Variants in KCNQ3 observed in about 807,000 individuals in gnomAD.
KCNQ3 encodes potassium voltage-gated channel subfamily Q member 3.
In KCNQ3, 30 loss-of-function variants were observed where a neutral mutation model predicts 92.5. That is an observed-to-expected ratio of 0.32 (90% CI 0.24 to 0.44). The LOEUF is 0.44. Ranked by LOEUF, KCNQ3 falls within the 20% of genes least tolerant of loss-of-function variation. KCNQ3 has a pLI of 1.00. For missense variants in KCNQ3, 913 were observed against 1,140.3 expected, an observed-to-expected ratio of 0.80 and a Z score of 2.87; for synonymous variants, 450 against 468.8, an observed-to-expected ratio of 0.96 and a Z score of 0.52.
chr8:132,143,014 G>A (rs2436140), intron 9 of KCNQ3, among the ~76,000 whole-genome samples: 79,260 of 152,022 alleles, frequency 0.52, 20,926 homozygotes, highest in African/African-American at 0.58. Context: ...TCCAGCATAC[G>A]GAAGGCATTA....
intron 1 of KCNQ3, among the ~76,000 whole-genome samples, chr8:132,424,539 C>T (rs192273842): frequency 8.5e-5 from 13 of 152,346 alleles, no homozygotes; most frequent in Middle Eastern, 3.4e-3. Context: ...TCAGGCTGGT[C>T]ATCTTCCTGC....
chr8:132,143,010 A>G (rs898098938), intron 9 of KCNQ3, among the ~76,000 whole-genome samples: 1 of 152,214 alleles, frequency 6.6e-6, no homozygotes, highest in Non-Finnish European at 1.5e-5. Flanking sequence ...ACAGTCCAGC[A>G]TACGGAAGGC....
chr8:132,284,723 T>G (rs1014397580), intron 1 of KCNQ3, among the ~76,000 whole-genome samples: 1 of 152,234 alleles, frequency 6.6e-6, no homozygotes, highest in Admixed American at 6.5e-5. Flanking sequence ...TAGGGTGGTT[T>G]AGATTTTTCC....
In KCNQ3 at chr8:132,247,659, G is replaced by T. The variant is rs753670659; in HGVS notation, c.387-61478C>A. Among the ~76,000 whole-genome samples, 14 of 152,078 alleles carry T rather than the reference G, an allele frequency of 9.2e-5. 1 individual carries two copies. In the South Asian group the frequency reaches 2.5e-3, roughly 27 times the overall value. ...AAAATATAAAAAAAATTAGCCGGGC[G>T]TGGCGGTGGGAGCCTGTAATCCCAG... On this transcript the variant is annotated intron_variant, in intron 1 of 14. Coordinates refer to ENST00000388996, the MANE Select transcript of KCNQ3 (RefSeq NM_004519.4).
chr8:132,303,798 G>A (rs1817328865), intron 1 of KCNQ3, among the ~76,000 whole-genome samples: 1 of 147,670 alleles, frequency 6.8e-6, no homozygotes. Flanking sequence ...AATATTACAT[G>A]TGTGTATAGA....
chr8:132,463,135 T>C (rs532124324), intron 1 of KCNQ3, among the ~76,000 whole-genome samples: 17 of 152,336 alleles, frequency 1.1e-4, no homozygotes, highest in African/African-American at 3.8e-4. Flanking sequence ...GAACCCAGAC[T>C]AATTTAGTGG....
chr8:132,157,643 T>TA (rs144110396), intron 9 of KCNQ3, among the ~76,000 whole-genome samples: 4 of 151,818 alleles, frequency 2.6e-5, no homozygotes, highest in Non-Finnish European at 1.5e-5. Context: ...TAACCTGTGT[T>TA]TTATTTTATT....
At chr8:132,209,265 C>T (rs1026304000) in intron 1 of KCNQ3, among the ~76,000 whole-genome samples, 1 of 152,116 alleles carries the variant, frequency 6.6e-6, no homozygotes, top group African/African-American at 2.4e-5. Flanking sequence ...CTGAAAGGAG[C>T]CCTCCTCATT....
At chr8:132,217,724 A>C (rs947469141) in intron 1 of KCNQ3, among the ~76,000 whole-genome samples, 5 of 151,400 alleles carry the variant, frequency 3.3e-5, no homozygotes, top group African/African-American at 4.9e-5. Flanking sequence ...AAAAAAAAAA[A>C]AAAAAACAAA....
At chr8:132,169,979 TCTC>T (rs1586794975) in intron 8 of KCNQ3, among the ~76,000 whole-genome samples, 1 of 151,994 alleles carries the variant, frequency 6.6e-6, no homozygotes, top group East Asian at 1.9e-4. Context: ...TTCAAGCAAT[TCTC>T]CTGCCTCAGC....
At chr8:132,171,294 C>T (rs1826339923) in intron 7 of KCNQ3, among the ~76,000 whole-genome samples, 1 of 152,090 alleles carries the variant, frequency 6.6e-6, no homozygotes, top group African/African-American at 2.4e-5. Flanking sequence ...TGACATCATG[C>T]ACCATCTAGA....
chr8:132,300,770 C>T lies in KCNQ3; in HGVS notation c.387-114589G>A, dbSNP rs187911325. ...CAGGTCCTGGCCATATAAAGGGACT[C>T]CACCTGCCCAACTCTGGCAGGTTAA... On this transcript the variant is annotated intron_variant, in intron 1 of 14. Transcript: ENST00000388996. 4.7e-3 allele frequency among the ~76,000 whole-genome samples: 723 copies of T among 152,284 alleles called. 6 individuals are homozygous for T. Among genetic ancestry groups the T allele is most frequent in the African/African-American group, 0.017 (700 of 41,574 alleles).
intron 1 of KCNQ3, among the ~76,000 whole-genome samples, chr8:132,291,579 T>C (rs1215002285): frequency 6.6e-6 from 1 of 152,238 alleles, no homozygotes; most frequent in Non-Finnish European, 1.5e-5. Flanking sequence ...GACAATAATA[T>C]TCCCAATGTT....
intron 10 of KCNQ3, 86 bp from the exon 11 acceptor site, chr8:132,140,264 C>T: frequency 4.7e-6 from 4 of 843,130 alleles, no homozygotes; most frequent in Non-Finnish European, 7.9e-6. Context: ...GCCTTCCACG[C>T]CTCTGGATGT....
At chr8:132,434,207 C>CAAAAAAA (rs546958236) in intron 1 of KCNQ3, among the ~76,000 whole-genome samples, 1 of 130,750 alleles carries the variant, frequency 7.6e-6, no homozygotes, top group Non-Finnish European at 1.6e-5. Context: ...GACTCCGTCT[C>CAAAAAAA]AAAAAAAAAA....
At chr8:132,176,567 T>C (rs1274890999) in intron 4 of KCNQ3, among the ~76,000 whole-genome samples, 1 of 152,200 alleles carries the variant, frequency 6.6e-6, no homozygotes, top group Non-Finnish European at 1.5e-5. Flanking sequence ...TATCTGACCA[T>C]CTGCGGCCAG....
chr8:132,480,506 C>A lies in KCNQ3; in HGVS notation c.27G>T (p.Ala9=), dbSNP rs1156848745. Residue 9 remains alanine (A), a synonymous_variant, in exon 1 of 15, where the codon GCG becomes GCT. Coordinates refer to ENST00000388996, the MANE Select transcript of KCNQ3 (RefSeq NM_004519.4). The part of the protein sequence containing the change: MGLKARRA[A]GAAGGGGDGG... Reference sequence around the variant, plus strand: ...CGTCGCCGCCGCCGCCAGCCGCCCCCGCCGCCCTGCGCGCCTTGAGCCCCA... The same window carrying A: ...CGTCGCCGCCGCCGCCAGCCGCCCCAGCCGCCCTGCGCGCCTTGAGCCCCA... The A allele has an allele frequency of 1.8e-6, 2 of 1,133,422 alleles. No individual in the cohort carries two copies. The highest frequency in any genetic ancestry group is 2.2e-6 in the Non-Finnish European group (2 of 928,978). The allele number at this position is 1,133,422 out of a possible 1,614,324, so 70.2% of individuals were successfully genotyped here. A position where few individuals can be genotyped will look rare whatever the true frequency, so the allele number is the denominator to read the frequency against.
At chr8:132,357,982 C>G (rs1199845826) in intron 1 of KCNQ3, among the ~76,000 whole-genome samples, 5 of 152,242 alleles carry the variant, frequency 3.3e-5, no homozygotes, top group African/African-American at 1.2e-4. Flanking sequence ...CCGTCCTCGA[C>G]AGCCCAGCTG....
At chr8:132,451,919 G>A (rs1166104624) in intron 1 of KCNQ3, among the ~76,000 whole-genome samples, 3 of 152,058 alleles carry the variant, frequency 2.0e-5, no homozygotes, top group Admixed American at 2.0e-4. Context: ...CAGGTCAAGA[G>A]AAAAATGGGA....
Sources: gnomAD v4.1 joint callset for allele counts (sites outside exome capture counted in the v4.1 genomes callset) on GRCh38, gnomAD v4.1.1 for gene constraint, MANE v1.5 for transcripts, NCBI Gene and HGNC (gene_info 2026-07-23, HGNC 2026-07-21) for gene names.